USP25: variants seen among roughly 807,000 people sequenced by gnomAD.
The protein encoded by USP25 is ubiquitin specific peptidase 25, also known as ubiquitin carboxyl-terminal hydrolase 25.
In USP25, 85 loss-of-function variants were observed where a neutral mutation model predicts 158.5. That is an observed-to-expected ratio of 0.54 (90% confidence interval 0.45 to 0.64). USP25 has a LOEUF of 0.64. Ranked by LOEUF, USP25 falls within the 30% of genes least tolerant of loss-of-function variation. The pLI, the probability that USP25 is intolerant of heterozygous loss-of-function variation, is 0.00. For synonymous variants in USP25, 464 were observed against 460.4 expected (o/e 1.01, Z -0.10); for missense variants, 1,242 against 1,327.3 (o/e 0.94, Z 1.00).
rs2034049587 is a variant in USP25, at chr21:15,766,560, CT to C, written c.268+421del. ...AAAATTTCCCTTCCCTTTCCCCCTG[CT>C]TCCAAATAAAGCTTTGGCAAAGAAG... On this transcript the variant is annotated intron_variant, in intron 3 of 25. Transcript: ENST00000400183. This position sits in a 1 kb window ranked among gnomAD's most constrained non-coding sequence, Gnocchi z 4.0. 1.3e-5 allele frequency among the ~76,000 whole-genome samples: 2 copies of C among 151,942 alleles called. No individual in the cohort carries two copies. The highest frequency in any genetic ancestry group is 2.9e-5 in the Non-Finnish European group (2 of 67,930).
At chr21:15,863,022 T>C (rs1486217549) in intron 20 of USP25, among the ~76,000 whole-genome samples, 1 of 152,028 alleles carries the variant, frequency 6.6e-6, no homozygotes, top group African/African-American at 2.4e-5. Flanking sequence ...TTTAATTGAA[T>C]GGATTTTTTG....
At chr21:15,752,477 G>A (rs188364641) in intron 1 of USP25, among the ~76,000 whole-genome samples, 362 of 152,316 alleles carry the variant, frequency 2.4e-3, no homozygotes, top group African/African-American at 8.3e-3. Context: ...GCCTCCCAAA[G>A]TGCTGGGATT....
At chr21:15,803,032 G>A (rs1205414439) in intron 6 of USP25, among the ~76,000 whole-genome samples, 4 of 151,562 alleles carry the variant, frequency 2.6e-5, no homozygotes, top group Non-Finnish European at 4.4e-5. Context: ...CAGCAGACAA[G>A]TATCTTGAAA....
chr21:15,736,065 G>T (rs1406984939), intron 1 of USP25, among the ~76,000 whole-genome samples: 3 of 149,936 alleles, frequency 2.0e-5, no homozygotes, highest in Non-Finnish European at 4.4e-5. Context: ...TGCTTGTTTT[G>T]TCGTCAGTAG....
chr21:15,745,235 T>A (rs2032439526), intron 1 of USP25, among the ~76,000 whole-genome samples: 1 of 152,168 alleles, frequency 6.6e-6, no homozygotes, highest in Non-Finnish European at 1.5e-5. Context: ...CTTTTTAACA[T>A]GTTAAGATTA....
rs2034022174 is a variant in USP25 at position 15,766,075 on chromosome 21, A to G, written c.202A>G (p.Thr68Ala). The G allele has an allele frequency of 6.2e-7, 1 of 1,611,242 alleles. No homozygotes were observed. The highest frequency in any genetic ancestry group is 8.5e-7 in the Non-Finnish European group (1 of 1,178,492). ...TAAGACCCCTCAGCAGGAGGAGACA[A>G]CTTACTACCAAACAGCACTTCCTGG... is the stretch of plus-strand genomic sequence containing the variant. ...NAKTPQQEET[T>A]YYQTALPGND... is the part of the protein sequence containing the mutation. The change falls in exon 3 of 26, where the codon ACT becomes GCT. Residue 68 changes from threonine (T) to alanine (A), a missense_variant. Physicochemically the swap from Thr to Ala is moderately conservative, Grantham distance 58 (BLOSUM62 0). This residue lies in a region of USP25 where 627 missense variants were observed against 701.4 expected (regional missense o/e 0.89). Transcript: ENST00000400183. The surrounding 1 kb of genome is among the most constrained non-coding windows in gnomAD (Gnocchi z 4.0).
chr21:15,743,296 G>C (rs73181991), intron 1 of USP25, among the ~76,000 whole-genome samples: 632 of 152,312 alleles, frequency 4.1e-3, no homozygotes, highest in Non-Finnish European at 7.1e-3. Flanking sequence ...AGCCAGGTGC[G>C]TGTTACAGCC....
chr21:15,869,920 CTTGT>C (rs1160391732), intron 22 of USP25, 144 bp from the exon 23 acceptor site: 3 of 480,334 alleles, frequency 6.2e-6, no homozygotes, highest in Non-Finnish European at 7.2e-6. Flanking sequence ...AAAGTAAAGT[CTTGT>C]TTTAGTTCTG....
chr21:15,735,964 CTGTGTG>C (rs530159084), intron 1 of USP25, among the ~76,000 whole-genome samples: 2 of 145,042 alleles, frequency 1.4e-5, no homozygotes, highest in Non-Finnish European at 3.0e-5. Flanking sequence ...TGTCCTAAAT[CTGTGTG>C]TGTGTGTGTG....
chr21:15,833,205 G>A, intron 16 of USP25, 143 bp from the exon 17 acceptor site: 5 of 698,042 alleles, frequency 7.2e-6, no homozygotes, highest in Non-Finnish European at 1.2e-5. Flanking sequence ...TATTTGCTAA[G>A]CAATAGTAAT....
At chr21:15,807,863 G>T (rs757688058) in intron 7 of USP25, among the ~76,000 whole-genome samples, 5 of 152,104 alleles carry the variant, frequency 3.3e-5, no homozygotes, top group African/African-American at 1.2e-4. Flanking sequence ...TATTCAACCC[G>T]CCACAGATGT....
chr21:15,829,370 G>A (rs532299261), intron 14 of USP25, among the ~76,000 whole-genome samples: 1 of 152,098 alleles, frequency 6.6e-6, no homozygotes, highest in African/African-American at 2.4e-5. Context: ...ACCATTTCTG[G>A]TTCAGAGTGT....
chr21:15,859,603 T>C (rs984794674), intron 20 of USP25, among the ~76,000 whole-genome samples: 1 of 152,162 alleles, frequency 6.6e-6, no homozygotes, highest in African/African-American at 2.4e-5. Context: ...GGGCTTGATA[T>C]CTTTCGTGTT....
intron 3 of USP25, among the ~76,000 whole-genome samples, chr21:15,769,317 T>G (rs2034215583): frequency 6.6e-6 from 1 of 152,100 alleles, no homozygotes; most frequent in Non-Finnish European, 1.5e-5. Flanking sequence ...AGAAATCTTG[T>G]GCTCTGCATA....
intron 5 of USP25, among the ~76,000 whole-genome samples, chr21:15,793,788 A>G (rs1237396870): frequency 6.6e-6 from 1 of 151,662 alleles, no homozygotes; most frequent in South Asian, 2.1e-4. Flanking sequence ...GATCACCTGA[A>G]GTTTTATTTT....
At position 15,735,395 on chromosome 21, in the gene USP25, A is replaced by G. The variant is rs191168640; in HGVS notation, c.45+4957A>G. On this transcript the variant is annotated intron_variant, in intron 1 of 25. Transcript: ENST00000400183. ...TAACAACTATTTATGTAGCATTTAC[A>G]TTGTGTTAGGTATTATAAGTAATCT... Among the ~76,000 whole-genome samples the G allele has an allele frequency of 1.7e-4, 26 of 152,286 alleles. 1 individual carries two copies. Among genetic ancestry groups the G allele is most frequent in the Admixed American group, 1.3e-3 (20 of 15,304 alleles).
Position 15,766,973 on chromosome 21 carries a change from A to G in USP25, c.268+832A>G, listed in dbSNP as rs1482361490. Among the ~76,000 whole-genome samples, 1 of 152,052 alleles carries G rather than the reference A, an allele frequency of 6.6e-6. No homozygotes were observed. Among genetic ancestry groups the G allele is most frequent in the East Asian group, 1.9e-4 (1 of 5,196 alleles). On this transcript the variant is annotated intron_variant, in intron 3 of 25. Coordinates refer to ENST00000400183, the MANE Select transcript of USP25 (RefSeq NM_001283041.3). This position sits in a 1 kb window ranked among gnomAD's most constrained non-coding sequence, Gnocchi z 4.0. The stretch of plus-strand genomic sequence containing the variant: ...TTAATGTTTATTGATAAAATATTTT[A>G]ATTTTTAGTTTTCAGGATAATCTTA...
intron 1 of USP25, among the ~76,000 whole-genome samples, chr21:15,757,819 A>G (rs1256166833): frequency 6.6e-6 from 1 of 152,224 alleles, no homozygotes; most frequent in Non-Finnish European, 1.5e-5. Flanking sequence ...AGGAAGTAAA[A>G]GTGGCAAAGA....
At position 15,799,746 on chromosome 21, in the gene USP25, T is replaced by C. The variant is rs1188662918; in HGVS notation, c.556-11T>C. ...TCCCTCAGGTTATGTTAAATTGTTG[T>C]TCTTTTTCAGTCATTATTTAATCTT... On this transcript the variant is annotated splice_polypyrimidine_tract_variant and intron_variant, in intron 5 of 25. Coordinates refer to ENST00000400183, the MANE Select transcript of USP25 (RefSeq NM_001283041.3). 1 of 1,564,988 alleles carries C rather than the reference T, an allele frequency of 6.4e-7. No individual in the cohort carries two copies.
Sources: allele counts gnomAD v4.1 joint callset (sites outside exome capture counted in the v4.1 genomes callset), GRCh38; gene constraint gnomAD v4.1.1; regional missense constraint gnomAD v4.1.1; non-coding constraint Gnocchi (gnomAD v3.1); transcripts MANE v1.5; gene names NCBI Gene and HGNC (gene_info 2026-07-23, HGNC 2026-07-21).